BCAS3: variants seen among roughly 807,000 people sequenced by gnomAD.
BCAS3 encodes BCAS3 microtubule associated cell migration factor.
Under a neutral mutation model 116.1 loss-of-function variants are expected in BCAS3, and 53 were observed. The ratio of observed to expected loss-of-function variants is 0.46; its 90% CI spans 0.37 to 0.57. The LOEUF is 0.57. BCAS3 is among the 20% of genes least tolerant of loss of function. The pLI is 0.00. For missense variants in BCAS3, 917 were observed against 1,165.4 expected, an observed-to-expected ratio of 0.79 and a Z score of 3.10; for synonymous variants, 391 against 408.2, an observed-to-expected ratio of 0.96 and a Z score of 0.51.
intron 7 of BCAS3, among the ~76,000 whole-genome samples, chr17:60,834,273 C>T (rs2051186359): frequency 6.6e-6 from 1 of 151,788 alleles, no homozygotes; most frequent in African/African-American, 2.4e-5. Flanking sequence ...TAAGCAAAAG[C>T]TTAGATTTTT....
chr17:61,111,661 T>C lies in BCAS3; in HGVS notation c.2425+27097T>C, dbSNP rs1372249111. ...AATGGAACCAAGTTGGAAAACACTC[T>C]GCAGGATATTATCCAGGAGAACTTC... On this transcript the variant is annotated intron_variant, in intron 22 of 23. Transcript: ENST00000407086. Among the ~76,000 whole-genome samples the C allele has an allele frequency of 3.2e-3, 459 of 144,852 alleles. 12 individuals are homozygous for C. The highest frequency in any genetic ancestry group is 0.028 in the Admixed American group (402 of 14,310).
At chr17:60,856,010 A>G (rs1239797870) in intron 7 of BCAS3, among the ~76,000 whole-genome samples, 2 of 152,092 alleles carry the variant, frequency 1.3e-5, no homozygotes, top group Admixed American at 6.6e-5. Flanking sequence ...GTGGCTATTC[A>G]TGCATCTATA....
intron 22 of BCAS3, among the ~76,000 whole-genome samples, chr17:61,149,262 G>GT (rs1348323809): frequency 6.6e-6 from 1 of 151,920 alleles, no homozygotes; most frequent in African/African-American, 2.4e-5. Flanking sequence ...CTTTCCGCTG[G>GT]TAAGATCAGG....
intron 7 of BCAS3, among the ~76,000 whole-genome samples, chr17:60,836,255 G>T (rs1289447637): frequency 6.6e-6 from 1 of 152,068 alleles, no homozygotes; most frequent in Non-Finnish European, 1.5e-5. Context: ...ATTCTGTGGG[G>T]TTGGATAATT....
rs73993712 is a variant in BCAS3, at chr17:61,178,711, G to A, written c.2425+94147G>A. On this transcript the variant is annotated intron_variant, in intron 22 of 23. Transcript: ENST00000407086. ...TTGACATAACTTTTAAGTTGTGAGG[G>A]TAAAGGAATATAATTTATCAAATAG... 8.7e-4 allele frequency among the ~76,000 whole-genome samples: 132 copies of A among 152,230 alleles called. 1 individual carries two copies. The highest frequency in any genetic ancestry group is 3.1e-3 in the African/African-American group (128 of 41,536).
chr17:61,128,368 AG>A lies in BCAS3; in HGVS notation c.2425+43806del. 1.0e-6 allele frequency: 1 copy of A among 985,430 alleles called. No homozygotes were observed. Among genetic ancestry groups the A allele is most frequent in the Non-Finnish European group, 1.2e-6 (1 of 829,930 alleles). The allele number at this position is 985,430 out of a possible 1,614,324, so 61.0% of individuals were successfully genotyped here. A position where few individuals can be genotyped will look rare whatever the true frequency, so the allele number is the denominator to read the frequency against. ...TTCCTTTCTTATTTGTTTGATGTAC[AG>A]GCTTATTTAAGTGAAAGGTGGGACA... On this transcript the variant is annotated intron_variant, in intron 22 of 23. Coordinates refer to ENST00000407086, the MANE Select transcript of BCAS3 (RefSeq NM_017679.5). This position sits in a 1 kb window ranked among gnomAD's most constrained non-coding sequence, Gnocchi z 4.1.
At chr17:60,776,786 TG>T (rs1284646665) in intron 6 of BCAS3, among the ~76,000 whole-genome samples, 4 of 146,680 alleles carry the variant, frequency 2.7e-5, no homozygotes, top group Non-Finnish European at 6.0e-5. Context: ...GAGGCTGAGG[TG>T]GGTGGATCAC....
chr17:60,932,772 C>T (rs1373683414), intron 13 of BCAS3, among the ~76,000 whole-genome samples: 1 of 138,616 alleles, frequency 7.2e-6, no homozygotes, highest in Non-Finnish European at 1.5e-5. Flanking sequence ...AAAAAAGAAT[C>T]GTCTCCATCT....
At chr17:60,802,695 G>A (rs1020488845) in intron 6 of BCAS3, among the ~76,000 whole-genome samples, 1 of 152,098 alleles carries the variant, frequency 6.6e-6, no homozygotes. Flanking sequence ...AGGCCGGAGT[G>A]CAATGGTGCC....
rs1055796121 is a variant in BCAS3 at position 61,020,746 on chromosome 17, A to G, written c.1637+4845A>G. On this transcript the variant is annotated intron_variant, in intron 16 of 23. Transcript: ENST00000407086. The surrounding 1 kb of genome is among the most constrained non-coding windows in gnomAD (Gnocchi z 4.5). ...TTTAAAAAATATTTTCTATGTAACA[A>G]TTCACAAAAAAATGTTCATCAATGA... 6.6e-6 allele frequency among the ~76,000 whole-genome samples: 1 copy of G among 152,198 alleles called. No homozygotes were observed. The highest frequency in any genetic ancestry group is 1.5e-5 in the Non-Finnish European group (1 of 68,042).
intron 22 of BCAS3, among the ~76,000 whole-genome samples, chr17:61,175,865 G>A (rs975839046): frequency 6.6e-6 from 1 of 152,144 alleles, no homozygotes; most frequent in Non-Finnish European, 1.5e-5. Context: ...ACTAGGTGTG[G>A]TGGCTCACGC....
intron 16 of BCAS3, among the ~76,000 whole-genome samples, chr17:61,018,223 A>G (rs554192125): frequency 1.3e-5 from 2 of 151,570 alleles, no homozygotes; most frequent in East Asian, 3.9e-4. Context: ...TATTTGTGAC[A>G]TAGTTTCAGA....
intron 22 of BCAS3, among the ~76,000 whole-genome samples, chr17:61,192,224 C>T (rs1311752780): frequency 5.5e-4 from 62 of 111,848 alleles, no homozygotes; most frequent in African/African-American, 1.9e-3. Flanking sequence ...CCAGCCTGGG[C>T]GACAGAGCAA....
Position 61,376,515 on chromosome 17 carries a change from C to T in BCAS3, c.2593+8021C>T, listed in dbSNP as rs944562560. ...CTTTCGGCCTCCTGAAAGTAGGAAT[C>T]GCTCTCCTCTCCAGGATCCCCAGTG... On this transcript the variant is annotated intron_variant, in intron 23 of 23. Transcript: ENST00000407086. This position sits in a 1 kb window ranked among gnomAD's most constrained non-coding sequence, Gnocchi z 4.5. Among the ~76,000 whole-genome samples the T allele has an allele frequency of 6.6e-6, 1 of 152,226 alleles. No individual in the cohort carries two copies. The highest frequency in any genetic ancestry group is 1.9e-4 in the East Asian group (1 of 5,202).
At chr17:61,334,266 A>G (rs1378933281) in intron 22 of BCAS3, among the ~76,000 whole-genome samples, 1 of 152,226 alleles carries the variant, frequency 6.6e-6, no homozygotes, top group African/African-American at 2.4e-5. Context: ...AGCACGTAGG[A>G]GACAAGGGTG....
At chr17:60,700,150 G>T (rs1232205303) in intron 4 of BCAS3, among the ~76,000 whole-genome samples, 2 of 145,834 alleles carry the variant, frequency 1.4e-5, no homozygotes, top group East Asian at 3.9e-4. Context: ...CTCCAGTTTG[G>T]ACAACAGAGT....
At chr17:60,837,798 C>T (rs545669928) in intron 7 of BCAS3, among the ~76,000 whole-genome samples, 44 of 151,876 alleles carry the variant, frequency 2.9e-4, no homozygotes, top group African/African-American at 1.0e-3. Flanking sequence ...GGAACAGGTG[C>T]GTGCCACCAT....
chr17:61,149,835 T>C (rs540295527), intron 22 of BCAS3, among the ~76,000 whole-genome samples: 1 of 152,338 alleles, frequency 6.6e-6, no homozygotes, highest in East Asian at 1.9e-4. Flanking sequence ...CCTCTCTGGA[T>C]GAAAGTGTTT....
At chr17:60,865,636 T>C (rs929974390) in intron 7 of BCAS3, among the ~76,000 whole-genome samples, 23 of 152,228 alleles carry the variant, frequency 1.5e-4, no homozygotes, top group Admixed American at 8.5e-4. Flanking sequence ...AAAGTTCTAG[T>C]AGCTTTTTAA....
Sources: allele counts gnomAD v4.1 joint callset (sites outside exome capture counted in the v4.1 genomes callset), GRCh38; gene constraint gnomAD v4.1.1; non-coding constraint Gnocchi (gnomAD v3.1); transcripts MANE v1.5; gene names NCBI Gene and HGNC (gene_info 2026-07-23, HGNC 2026-07-21).